FAM83B: variants seen among roughly 807,000 people sequenced by gnomAD.
The protein encoded by FAM83B is protein FAM83B.
Under a neutral mutation model 38.8 loss-of-function variants are expected in FAM83B, and 26 were observed. The observed-to-expected ratio is 0.67, with a 90% CI of 0.49 to 0.93. The LOEUF (loss-of-function observed/expected upper bound fraction) is 0.93. Among genes scored for constraint, FAM83B ranks in the 40% least tolerant of loss-of-function variants. FAM83B has a pLI of 0.00. For synonymous variants in FAM83B, 419 were observed against 423.1 expected (o/e 0.99, Z 0.12); for missense variants, 1,237 against 1,197.3 (o/e 1.03, Z -0.49).
In FAM83B at chr6:54,942,062, G is replaced by C; in HGVS notation, c.*55G>C. ...CAATATTTGTCCAAAGAAAATTGTG[G>C]ACAGTCTTTGTAACATGCCAATAGA... On this transcript the variant is annotated 3_prime_UTR_variant, in exon 5 of 5. Transcript: ENST00000306858. 3.3e-6 allele frequency: 5 copies of C among 1,517,172 alleles called. No homozygotes were observed. Among genetic ancestry groups the C allele is most frequent in the Non-Finnish European group, 4.4e-6 (5 of 1,128,034 alleles). The allele number at this position is 1,517,172 out of a possible 1,614,324, so 94.0% of individuals were successfully genotyped here. A position where few individuals can be genotyped will look rare whatever the true frequency, so the allele number is the denominator to read the frequency against.
chr6:54,924,054 G>A (rs917741390), intron 2 of FAM83B, among the ~76,000 whole-genome samples: 1 of 151,726 alleles, frequency 6.6e-6, no homozygotes, highest in African/African-American at 2.4e-5. Flanking sequence ...AATATTTTTA[G>A]ATTCTACATA....
chr6:54,931,878 C>T (rs1490338624), intron 4 of FAM83B, among the ~76,000 whole-genome samples: 1 of 150,586 alleles, frequency 6.6e-6, no homozygotes, highest in African/African-American at 2.4e-5. Flanking sequence ...TTCTTTTTTC[C>T]CTCTTTTACT....
chr6:54,923,678 G>T (rs887513687), intron 2 of FAM83B, among the ~76,000 whole-genome samples: 2 of 151,856 alleles, frequency 1.3e-5, no homozygotes, highest in Admixed American at 1.3e-4. Context: ...TCTTCACTCT[G>T]AGTTGAAGAC....
At chr6:54,882,544 G>T (rs73439709) in intron 2 of FAM83B, among the ~76,000 whole-genome samples, 14,612 of 152,172 alleles carry the variant, frequency 0.096, 798 homozygotes, top group South Asian at 0.15. Flanking sequence ...TATTACCTCT[G>T]ATAGACCACT....
intron 2 of FAM83B, among the ~76,000 whole-genome samples, chr6:54,883,112 G>GT (rs1257654735): frequency 2.5e-4 from 37 of 150,938 alleles, no homozygotes; most frequent in African/African-American, 7.0e-4. Flanking sequence ...TAATTTTTTT[G>GT]TTTTTGTATT....
chr6:54,936,420 A>C (rs965829627), intron 4 of FAM83B, among the ~76,000 whole-genome samples: 1 of 151,840 alleles, frequency 6.6e-6, no homozygotes, highest in Non-Finnish European at 1.5e-5. Flanking sequence ...TCCTATTTCT[A>C]CTTTGGTTGG....
intron 1 of FAM83B, among the ~76,000 whole-genome samples, chr6:54,849,199 T>G (rs1253177552): frequency 6.6e-6 from 1 of 152,174 alleles, no homozygotes; most frequent in Non-Finnish European, 1.5e-5. Flanking sequence ...GCACTTAAAC[T>G]CCATCAAGAA....
intron 1 of FAM83B, among the ~76,000 whole-genome samples, chr6:54,852,309 CTG>C (rs1358518131): frequency 6.6e-6 from 1 of 152,190 alleles, no homozygotes; most frequent in Non-Finnish European, 1.5e-5. Context: ...CTTTGTGTCT[CTG>C]TGTCACATTT....
intron 1 of FAM83B, among the ~76,000 whole-genome samples, chr6:54,856,087 C>A (rs891977646): frequency 6.6e-6 from 1 of 152,112 alleles, no homozygotes; most frequent in African/African-American, 2.4e-5. Context: ...TAAATAATGG[C>A]CACAACTCTT....
At position 54,941,104 on chromosome 6, in the gene FAM83B, C is replaced by T. The variant is rs1184032065; in HGVS notation, c.2133C>T (p.His711=). The change falls in exon 5 of 5, where the codon CAC becomes CAT. Residue 711 remains histidine, a synonymous_variant. Transcript: ENST00000306858. ...TGCTGAAAAGTTCTAAAAGCATGCA[C>T]AATGTGACTCATAACTTGGAGGAGG... is the stretch of plus-strand genomic sequence containing the variant. ...EDLLKSSKSM[H]NVTHNLEEDE... The T allele has an allele frequency of 1.2e-6, 2 of 1,613,612 alleles. No individual in the cohort carries two copies. The highest frequency in any genetic ancestry group is 1.7e-6 in the Non-Finnish European group (2 of 1,179,894).
In FAM83B at chr6:54,893,881, A is replaced by G. The variant is rs148688877; in HGVS notation, c.444+23191A>G. On this transcript the variant is annotated intron_variant, in intron 2 of 4. Transcript: ENST00000306858. ...ACATGTATGTATGTGTGAGGTCTCA[A>G]TATTTATTACTGTAGCCATTCTACT... is the stretch of plus-strand genomic sequence containing the variant. 8.6e-3 allele frequency among the ~76,000 whole-genome samples: 1,312 copies of G among 152,246 alleles called. 18 individuals carry two copies. Among genetic ancestry groups the G allele is most frequent in the African/African-American group, 0.03 (1,243 of 41,532 alleles).
At chr6:54,858,187 T>A (rs1771488408) in intron 1 of FAM83B, among the ~76,000 whole-genome samples, 1 of 152,180 alleles carries the variant, frequency 6.6e-6, no homozygotes, top group African/African-American at 2.4e-5. Flanking sequence ...TCAATAGCTT[T>A]GATGACACTT....
In FAM83B at chr6:54,939,694, T is replaced by C; in HGVS notation, c.735-12T>C. The stretch of plus-strand genomic sequence containing the variant: ...TTTTAAATGATTAAAATTTTTCCAT[T>C]TTTTTCCCCAGTTATATGTGGTCAT... On this transcript the variant is annotated splice_polypyrimidine_tract_variant and intron_variant, in intron 4 of 4. Coordinates refer to ENST00000306858, the MANE Select transcript of FAM83B (RefSeq NM_001010872.3). The C allele has an allele frequency of 6.5e-7, 1 of 1,547,840 alleles. No individual in the cohort carries two copies. Among genetic ancestry groups the C allele is most frequent in the South Asian group, 1.2e-5 (1 of 80,422 alleles).
intron 4 of FAM83B, 66 bp downstream of exon 4, chr6:54,927,698 A>T (rs932664703): frequency 2.0e-6 from 2 of 996,620 alleles, no homozygotes; most frequent in Non-Finnish European, 2.7e-6. Context: ...TTCAAATTTT[A>T]ATATAATCAG....
rs549887522 is a variant in FAM83B at position 54,927,410 on chromosome 6, T to A, written c.610-98T>A. The A allele has an allele frequency of 1.8e-4, 174 of 989,888 alleles. 1 individual carries two copies. In the East Asian group the frequency reaches 5.1e-3, roughly 29 times the overall value. The allele number at this position is 989,888 out of a possible 1,614,324, so 61.3% of individuals were successfully genotyped here. Reference sequence around the variant, plus strand: ...TTTTTTTTTAATTACCTTAAGTAAATTTTTTTATATTAAGATTCTATCATG... The same window carrying A: ...TTTTTTTTTAATTACCTTAAGTAAAATTTTTTATATTAAGATTCTATCATG... On this transcript the variant is annotated intron_variant, in intron 3 of 4. Transcript: ENST00000306858.
In FAM83B at chr6:54,927,591, T is replaced by G; in HGVS notation, c.693T>G (p.Phe231Leu). The change falls in exon 4 of 5, where the codon TTT (phenylalanine) becomes TTG (leucine). Residue 231 changes from phenylalanine to leucine, a missense_variant. Coordinates refer to ENST00000306858, the MANE Select transcript of FAM83B (RefSeq NM_001010872.3). ...TCCATGGAAAAATGGAACAGAAATT[T>G]TTGTTAGTTGACTGCCAGAAAGTGA... ...AKFHGKMEQK[F>L]LLVDCQKVMY... 1 of 1,608,044 alleles carries G rather than the reference T, an allele frequency of 6.2e-7. No homozygotes were observed. The highest frequency in any genetic ancestry group is 8.5e-7 in the Non-Finnish European group (1 of 1,176,400).
At chr6:54,851,648 T>TG (rs1157624337) in intron 1 of FAM83B, among the ~76,000 whole-genome samples, 145 of 42,626 alleles carry the variant, frequency 3.4e-3, no homozygotes, top group Non-Finnish European at 5.0e-3. Flanking sequence ...AATTTTTGTG[T>TG]TTTTTTTTTT....
In FAM83B at chr6:54,886,390, A is replaced by G. The variant is rs180700001; in HGVS notation, c.444+15700A>G. Among the ~76,000 whole-genome samples the G allele has an allele frequency of 2.6e-5, 4 of 152,138 alleles. No individual in the cohort carries two copies. The East Asian group carries it at 5.8e-4, about 22-fold the overall frequency. The stretch of plus-strand genomic sequence containing the variant: ...GAATATTAGGAAAGATTTGCCAATT[A>G]AGTTATTTGTGCTTAAAGTCTTTTT... On this transcript the variant is annotated intron_variant, in intron 2 of 4. Transcript: ENST00000306858.
At position 54,943,278 on chromosome 6, in the gene FAM83B, TC is replaced by T. The variant is rs957171755; in HGVS notation, c.*1273del. Reference sequence around the variant, plus strand: ...TGAGAAGTTTTACTGGGCTAGTTCTTCCATGATTTGAGGATGATATTCAGAT... The same window carrying T: ...TGAGAAGTTTTACTGGGCTAGTTCTTCATGATTTGAGGATGATATTCAGAT... On this transcript the variant is annotated 3_prime_UTR_variant, in exon 5 of 5. Coordinates refer to ENST00000306858, the MANE Select transcript of FAM83B (RefSeq NM_001010872.3). The T allele has an allele frequency of 1.3e-5, 2 of 152,184 alleles. No homozygotes were observed. The highest frequency in any genetic ancestry group is 2.9e-5 in the Non-Finnish European group (2 of 68,046). 9.4% of individuals were successfully genotyped at this position (152,184 alleles called of 1,614,324 possible).
Sources: gnomAD v4.1 joint callset for allele counts (sites outside exome capture counted in the v4.1 genomes callset) on GRCh38, gnomAD v4.1.1 for gene constraint, MANE v1.5 for transcripts, NCBI Gene and HGNC (gene_info 2026-07-23, HGNC 2026-07-21) for gene names.